TTF2: variants seen among roughly 807,000 people sequenced by gnomAD.
TTF2 encodes transcription termination factor 2, also known as RNA polymerase II termination factor.
Under a neutral mutation model 142.4 loss-of-function variants are expected in TTF2, and 108 were observed. The observed-to-expected ratio is 0.76, with a 90% CI of 0.65 to 0.89. The LOEUF (loss-of-function observed/expected upper bound fraction) is 0.89, where lower values mean the gene tolerates loss of function less well. TTF2 is among the 40% of genes least tolerant of loss of function. The pLI is 0.00. For synonymous variants in TTF2, 483 were observed against 506.2 expected, an observed-to-expected ratio of 0.95 and a Z score of 0.61; for missense variants, 1,327 against 1,379.8, an observed-to-expected ratio of 0.96 and a Z score of 0.61.
At chr1:117,096,400 G>A (rs1360252510) in intron 20 of TTF2, 101 bp downstream of exon 20, 89 of 1,447,492 alleles carry the variant, frequency 6.1e-5, no homozygotes, top group East Asian at 4.9e-4. Context: ...TTTTTGAGAC[G>A]GAGTTTTGCT....
rs3831091 is a variant in TTF2 at position 117,086,247 on chromosome 1, A to ATGTGTG, written c.2055-151_2055-146dup. Among the ~76,000 whole-genome samples the ATGTGTG allele has an allele frequency of 1.3e-4, 19 of 148,782 alleles. 1 individual carries two copies. Among genetic ancestry groups the ATGTGTG allele is most frequent in the African/African-American group, 2.0e-4 (8 of 40,632 alleles). On this transcript the variant is annotated intron_variant, in intron 11 of 22. Transcript: ENST00000369466. The surrounding 1 kb of genome is among the most constrained non-coding windows in gnomAD (Gnocchi z 4.2). ...CAAGTGGGTAAAATTTACCTCCAAAATGTGTGTGTGTGTGTGTGTGTGTGC... is the reference window on the plus strand; with the variant it reads ...CAAGTGGGTAAAATTTACCTCCAAAATGTGTGTGTGTGTGTGTGTGTGTGTGTGTGC...
Position 117,087,744 on chromosome 1 carries a change from G to A in TTF2, c.2161-1057G>A, listed in dbSNP as rs927130299. Among the ~76,000 whole-genome samples, 3 of 152,106 alleles carry A rather than the reference G, an allele frequency of 2.0e-5. No homozygotes were observed. Among genetic ancestry groups the A allele is most frequent in the South Asian group, 2.1e-4 (1 of 4,810 alleles). On this transcript the variant is annotated intron_variant, in intron 12 of 22. Coordinates refer to ENST00000369466, the MANE Select transcript of TTF2 (RefSeq NM_003594.4). This position sits in a 1 kb window ranked among gnomAD's most constrained non-coding sequence, Gnocchi z 4.8. ...ACAGTGTTGTGTCTGTTCTCCCTCC[G>A]AATGAAACGCTTTGCCTCCACTCCT...
chr1:117,079,736 A>G lies in TTF2; in HGVS notation c.1783+87A>G. The stretch of plus-strand genomic sequence containing the variant: ...AGTGTTGTTTCATTTATTCCTCTCA[A>G]GAACTCTATGAGGCAGGTACTATTA... On this transcript the variant is annotated intron_variant, in intron 9 of 22. Transcript: ENST00000369466. This position sits in a 1 kb window ranked among gnomAD's most constrained non-coding sequence, Gnocchi z 4.2. The G allele has an allele frequency of 7.8e-7, 1 of 1,289,568 alleles. No homozygotes were observed. Among genetic ancestry groups the G allele is most frequent in the African/African-American group, 1.5e-5 (1 of 68,858 alleles). The allele number at this position is 1,289,568 out of a possible 1,614,324, so 79.9% of individuals were successfully genotyped here.
rs140352732 is a variant in TTF2 at position 117,099,975 on chromosome 1, C to T, written c.3344+1068C>T. ...AAGTCCAAAATTTGTATCTTTAGTT[C>T]CAAGGTCTCCTAAACTTCAGACCTA... On this transcript the variant is annotated intron_variant, in intron 22 of 22. Transcript: ENST00000369466. This position sits in a 1 kb window ranked among gnomAD's most constrained non-coding sequence, Gnocchi z 4.3. Among the ~76,000 whole-genome samples the T allele has an allele frequency of 6.6e-6, 1 of 152,378 alleles. No individual in the cohort carries two copies. The highest frequency in any genetic ancestry group is 1.9e-4 in the East Asian group (1 of 5,192).
Position 117,097,471 on chromosome 1 carries a change from A to C in TTF2, c.3269+38A>C, listed in dbSNP as rs780313913. 1 of 1,597,348 alleles carries C rather than the reference A, an allele frequency of 6.3e-7. No homozygotes were observed. Among genetic ancestry groups the C allele is most frequent in the South Asian group, 1.1e-5 (1 of 90,738 alleles). On this transcript the variant is annotated intron_variant, in intron 21 of 22. Coordinates refer to ENST00000369466, the MANE Select transcript of TTF2 (RefSeq NM_003594.4). This position sits in a 1 kb window ranked among gnomAD's most constrained non-coding sequence, Gnocchi z 4.1. ...GATTTGTCCTGGGTTGTCACAGCAC[A>C]TCAAGGAGGCCAGTGGGCTACAGGG...
chr1:117,106,902 G>A lies in TTF2; in HGVS notation c.*5378G>A, dbSNP rs963074133. ...TGGGACATTAGAGTATGGGTGGGCT[G>A]ACAGGTATGTGTATGTTTATTATCC... On this transcript the variant is annotated 3_prime_UTR_variant, in exon 23 of 23. Coordinates refer to ENST00000369466, the MANE Select transcript of TTF2 (RefSeq NM_003594.4). 1 of 152,228 alleles carries A rather than the reference G, an allele frequency of 6.6e-6. No individual in the cohort carries two copies. Among genetic ancestry groups the A allele is most frequent in the African/African-American group, 2.4e-5 (1 of 41,462 alleles). 9.4% of individuals were successfully genotyped at this position (152,228 alleles called of 1,614,324 possible). A position where few individuals can be genotyped will look rare whatever the true frequency, so the allele number is the denominator to read the frequency against.
At position 117,092,002 on chromosome 1, in the gene TTF2, G is replaced by T; in HGVS notation, c.2805+52G>T. On this transcript the variant is annotated intron_variant, in intron 17 of 22. Coordinates refer to ENST00000369466, the MANE Select transcript of TTF2 (RefSeq NM_003594.4). The surrounding 1 kb of genome is among the most constrained non-coding windows in gnomAD (Gnocchi z 4.4). ...ATATAGTGCTCCAGAGGGGCCACCT[G>T]AGAAGTCAATTTCACTCTCCTCCAA... 1 of 1,529,120 alleles carries T rather than the reference G, an allele frequency of 6.5e-7. No individual in the cohort carries two copies. 94.7% of individuals were successfully genotyped at this position (1,529,120 alleles called of 1,614,324 possible).
Position 117,084,061 on chromosome 1 carries a change from T to C in TTF2, c.1947T>C (p.Pro649=). The C allele has an allele frequency of 6.2e-7, 1 of 1,614,248 alleles. No homozygotes were observed. Among genetic ancestry groups the C allele is most frequent in the Non-Finnish European group, 8.5e-7 (1 of 1,180,048 alleles). Residue 649 remains proline, a synonymous_variant, in exon 11 of 23, where the codon CCT becomes CCC. Coordinates refer to ENST00000369466, the MANE Select transcript of TTF2 (RefSeq NM_003594.4). ...CCCATGGAACACTAATCATCTGTCC[T>C]GCCTCCCTGATCCATCATTGGAAAA... ...FTSHGTLIIC[P]ASLIHHWKNE... is the part of the protein sequence containing the mutation.
Position 117,084,151 on chromosome 1 carries a change from G to C in TTF2, c.2037G>C (p.Arg679=), listed in dbSNP as rs35985273. ...TCTATCTCTACCATGGGCCAAACCGGGATTCACGTGCCAGAGTGTAAGTGC... is the reference window on the plus strand; with the variant it reads ...TCTATCTCTACCATGGGCCAAACCGCGATTCACGTGCCAGAGTGTAAGTGC... ...LRVYLYHGPN[R]DSRARVLSTY... is the part of the protein sequence containing the mutation. The change falls in exon 11 of 23, where the codon CGG becomes CGC. Residue 679 remains arginine, a synonymous_variant. Transcript: ENST00000369466. 6.8e-4 allele frequency: 1,105 copies of C among 1,614,144 alleles called. 4 individuals carry two copies. The African/African-American group carries it at 0.012, about 18-fold the overall frequency.
chr1:117,101,420 C>T lies in TTF2; in HGVS notation c.3385C>T (p.Leu1129Phe). ...AACAGTAGAAGAAAAGATCTTACAG[C>T]TCCAAGAAAAAAAGAAAGATTTGGC... ...EGTVEEKILQ[L>F]QEKKKDLAKQ... Residue 1129 changes from leucine to phenylalanine, a missense_variant, in exon 23 of 23, where the codon CTC becomes TTC. By Grantham distance (22) the Leu-to-Phe change is conservative (BLOSUM62 0). Coordinates refer to ENST00000369466, the MANE Select transcript of TTF2 (RefSeq NM_003594.4). The surrounding 1 kb of genome is among the most constrained non-coding windows in gnomAD (Gnocchi z 5.9). 6.2e-7 allele frequency: 1 copy of T among 1,606,250 alleles called. No homozygotes were observed.
Position 117,087,289 on chromosome 1 carries a change from G to A in TTF2, c.2160+767G>A, listed in dbSNP as rs1225921807. 1.3e-5 allele frequency among the ~76,000 whole-genome samples: 2 copies of A among 151,910 alleles called. No homozygotes were observed. The highest frequency in any genetic ancestry group is 2.9e-5 in the Non-Finnish European group (2 of 67,968). On this transcript the variant is annotated intron_variant, in intron 12 of 22. Transcript: ENST00000369466. This position sits in a 1 kb window ranked among gnomAD's most constrained non-coding sequence, Gnocchi z 4.8. ...CTAAATTTCTTTTCATGATGTATTA[G>A]GCTTCATTTATTTATTTATTTGAGG...
chr1:117,092,600 TGAG>T lies in TTF2; in HGVS notation c.2806-127_2806-125del. ...AGATCACACTTTAATCAAGGTGTCT[TGAG>T]GAGTTACTGATGACAAATTACAAGA... On this transcript the variant is annotated intron_variant, in intron 17 of 22. Coordinates refer to ENST00000369466, the MANE Select transcript of TTF2 (RefSeq NM_003594.4). This position sits in a 1 kb window ranked among gnomAD's most constrained non-coding sequence, Gnocchi z 4.4. 1 of 981,542 alleles carries T rather than the reference TGAG, an allele frequency of 1.0e-6. No homozygotes were observed. The highest frequency in any genetic ancestry group is 2.6e-5 in the East Asian group (1 of 39,080). The allele number at this position is 981,542 out of a possible 1,614,324, so 60.8% of individuals were successfully genotyped here. A position where few individuals can be genotyped will look rare whatever the true frequency, so the allele number is the denominator to read the frequency against.
Position 117,090,529 on chromosome 1 carries a change from C to A in TTF2, c.2497-3C>A. 6.2e-7 allele frequency: 1 copy of A among 1,610,242 alleles called. No homozygotes were observed. Among genetic ancestry groups the A allele is most frequent in the South Asian group, 1.1e-5 (1 of 90,044 alleles). ...ATGCCAGCTTTTTTTTTTATTCTTC[C>A]AGGTGATACTGCCCCAGCGTAAATT... On this transcript the variant is annotated splice_region_variant and splice_polypyrimidine_tract_variant and intron_variant, in intron 14 of 22. Coordinates refer to ENST00000369466, the MANE Select transcript of TTF2 (RefSeq NM_003594.4). The surrounding 1 kb of genome is among the most constrained non-coding windows in gnomAD (Gnocchi z 4.8).
In TTF2 at chr1:117,075,701, G is replaced by C; in HGVS notation, c.1117G>C (p.Asp373His). 1 of 1,614,164 alleles carries C rather than the reference G, an allele frequency of 6.2e-7. No individual in the cohort carries two copies. Among genetic ancestry groups the C allele is most frequent in the Non-Finnish European group, 8.5e-7 (1 of 1,180,028 alleles). The change falls in exon 5 of 23, where the codon GAC becomes CAC. Residue 373 changes from aspartate to histidine, a missense_variant. Asp to His is a moderately conservative substitution (Grantham distance 81). Transcript: ENST00000369466. This position sits in a 1 kb window ranked among gnomAD's most constrained non-coding sequence, Gnocchi z 4.5. ...TAAGCCTGGGAGCCCCCTACTCTTT[G>C]ACTCGACTCTGGACTTAGAGACGAA... ...SSKPGSPLLF[D>H]STLDLETKEN...
chr1:117,092,866 A>C lies in TTF2; in HGVS notation c.2941A>C (p.Met981Leu). 5 of 1,614,144 alleles carry C rather than the reference A, an allele frequency of 3.1e-6. No homozygotes were observed. Among genetic ancestry groups the C allele is most frequent in the Non-Finnish European group, 4.2e-6 (5 of 1,180,030 alleles). The change falls in exon 18 of 23, where the codon ATG becomes CTG. Residue 981 changes from methionine to leucine, a missense_variant. Transcript: ENST00000369466. The surrounding 1 kb of genome is among the most constrained non-coding windows in gnomAD (Gnocchi z 4.4). Reference protein sequence around the residue: ...TVSLNGTFFKMELFEGMREST... With the variant: ...TVSLNGTFFKLELFEGMREST... ...TTCCCTTAACGGCACCTTCTTCAAG[A>C]TGGAGCTTTTTGAAGGCATGCGAGA...
In TTF2 at chr1:117,079,550, G is replaced by T. The variant is rs759381717; in HGVS notation, c.1702-18G>T. ...CATTAGGAATTTATGCTTAGCATTT[G>T]GTTATTACCTTTGTCAGGTCCCTTT... is the stretch of plus-strand genomic sequence containing the variant. On this transcript the variant is annotated intron_variant, in intron 8 of 22. Transcript: ENST00000369466. The surrounding 1 kb of genome is among the most constrained non-coding windows in gnomAD (Gnocchi z 4.2). 62 of 1,613,474 alleles carry T rather than the reference G, an allele frequency of 3.8e-5. No individual in the cohort carries two copies. The highest frequency in any genetic ancestry group is 4.7e-5 in the Non-Finnish European group (55 of 1,179,512).
intron 13 of TTF2, among the ~76,000 whole-genome samples, chr1:117,089,260 C>CTCTATATATATATATATATA (rs1553198318): frequency 7.3e-6 from 1 of 137,468 alleles, no homozygotes; most frequent in South Asian, 2.4e-4. Context: ...CAAATATATG[C>CTCTATATATATATATATATA]TATATATATA....
At position 117,085,033 on chromosome 1, in the gene TTF2, G is replaced by T. The variant is rs1313626070; in HGVS notation, c.2054+865G>T. ...GTGGCAGGCCTGCAGGCCTTCCCTG[G>T]CATAGATTACTGTGAGTTGTCTGCC... On this transcript the variant is annotated intron_variant, in intron 11 of 22. Transcript: ENST00000369466. The surrounding 1 kb of genome is among the most constrained non-coding windows in gnomAD (Gnocchi z 4.7). Among the ~76,000 whole-genome samples, 1 of 152,120 alleles carries T rather than the reference G, an allele frequency of 6.6e-6. No individual in the cohort carries two copies. The highest frequency in any genetic ancestry group is 1.5e-5 in the Non-Finnish European group (1 of 68,020).
Position 117,080,207 on chromosome 1 carries a change from C to T in TTF2, c.1783+558C>T, listed in dbSNP as rs565385794. 6.6e-6 allele frequency among the ~76,000 whole-genome samples: 1 copy of T among 152,080 alleles called. No individual in the cohort carries two copies. Among genetic ancestry groups the T allele is most frequent in the South Asian group, 2.1e-4 (1 of 4,810 alleles). On this transcript the variant is annotated intron_variant, in intron 9 of 22. Transcript: ENST00000369466. This position sits in a 1 kb window ranked among gnomAD's most constrained non-coding sequence, Gnocchi z 4.3. Reference sequence around the variant, plus strand: ...TGTATTTTTAGTAGAGATGGGGTTTCGCCATGTTGGACAGGCTGGTCTCTA... The same window carrying T: ...TGTATTTTTAGTAGAGATGGGGTTTTGCCATGTTGGACAGGCTGGTCTCTA...
Sources: allele counts gnomAD v4.1 joint callset (sites outside exome capture counted in the v4.1 genomes callset), GRCh38; gene constraint gnomAD v4.1.1; non-coding constraint Gnocchi (gnomAD v3.1); transcripts MANE v1.5; gene names NCBI Gene and HGNC (gene_info 2026-07-23, HGNC 2026-07-21).